The following MIS18BP1 variants were observed in gnomAD, a reference collection of about 807,000 sequenced individuals.
MIS18BP1 encodes MIS18 binding protein 1.
MIS18BP1 carries 72 observed loss-of-function variants against 116.1 expected under a neutral mutation model. The observed-to-expected ratio is 0.62, with a 90% CI of 0.51 to 0.75. The LOEUF (loss-of-function observed/expected upper bound fraction) is 0.75. Ranked by LOEUF, MIS18BP1 falls within the 30% of genes least tolerant of loss-of-function variation. The pLI, the probability that MIS18BP1 is intolerant of heterozygous loss-of-function variation, is 0.00. For synonymous variants in MIS18BP1, 386 were observed against 427.0 expected, an observed-to-expected ratio of 0.90 and a Z score of 1.18; for missense variants, 1,363 against 1,303.2, an observed-to-expected ratio of 1.05 and a Z score of -0.71.
At chr14:45,235,783 A>T in intron 6 of MIS18BP1, 31 bp downstream of exon 6, 1 of 1,561,150 alleles carries the variant, frequency 6.4e-7, no homozygotes, top group Non-Finnish European at 8.7e-7. Flanking sequence ...TTACTTCTTA[A>T]AATAACTTAT....
rs112214990 is a variant in MIS18BP1, at chr14:45,223,268, C to CCAAA, written c.2669+646_2669+649dup. ...ATCCTTGAGTCTCACTTGTGGGGCACCAAACTTTACTATTTATAACACTTG... is the reference window on the plus strand; with the variant it reads ...ATCCTTGAGTCTCACTTGTGGGGCACCAAACAAACTTTACTATTTATAACACTTG... On this transcript the variant is annotated intron_variant, in intron 11 of 16. Transcript: ENST00000310806. Among the ~76,000 whole-genome samples the CCAAA allele has an allele frequency of 7.0e-3, 1,071 of 152,196 alleles. 22 individuals are homozygous for CCAAA. The highest frequency in any genetic ancestry group is 0.025 in the African/African-American group (1,018 of 41,518).
At chr14:45,235,684 A>G (rs1891408943) in intron 6 of MIS18BP1, 130 bp downstream of exon 6, 7 of 663,036 alleles carry the variant, frequency 1.1e-5, no homozygotes, top group Non-Finnish European at 1.6e-5. Context: ...TTTATATAAT[A>G]TCAGTTGTTT....
chr14:45,246,925 T>C lies in MIS18BP1; in HGVS notation c.362A>G (p.Lys121Arg). ...PGKIFLRMKE[K>R]VLRDKQEQPS... ...CTGTTCTTGCTTGTCACGCAGTACTTTTTCTTTCATTCTTAGAAATATTTT... is the reference window on the plus strand; with the variant it reads ...CTGTTCTTGCTTGTCACGCAGTACTCTTTCTTTCATTCTTAGAAATATTTT... Residue 121 changes from lysine to arginine, a missense_variant, in exon 2 of 17, where the codon AAA (lysine) becomes AGA (arginine). Physicochemically the swap from Lys to Arg is conservative, Grantham distance 26 (BLOSUM62 2). Transcript: ENST00000310806. 2 of 1,604,728 alleles carry C rather than the reference T, an allele frequency of 1.2e-6. No individual in the cohort carries two copies. Among genetic ancestry groups the C allele is most frequent in the Non-Finnish European group, 1.7e-6 (2 of 1,177,878 alleles).
chr14:45,217,308 GC>G, intron 12 of MIS18BP1, 129 bp from the exon 13 acceptor site: 1 of 1,077,456 alleles, frequency 9.3e-7, no homozygotes, highest in Non-Finnish European at 1.3e-6. Context: ...CTCAGCCTTG[GC>G]CAGGCTCAGT....
At chr14:45,238,969 TA>T (rs1891500492) in intron 4 of MIS18BP1, among the ~76,000 whole-genome samples, 1 of 152,074 alleles carries the variant, frequency 6.6e-6, no homozygotes, top group African/African-American at 2.4e-5. Flanking sequence ...CTGAAAAAAG[TA>T]AAAAATTATA....
At chr14:45,252,189 C>A (rs1891893724) in intron 1 of MIS18BP1, among the ~76,000 whole-genome samples, 1 of 152,202 alleles carries the variant, frequency 6.6e-6, no homozygotes, top group Admixed American at 6.5e-5. Flanking sequence ...ACAGTCTACA[C>A]ACCCACTACA....
intron 2 of MIS18BP1, among the ~76,000 whole-genome samples, chr14:45,245,490 G>A (rs949854943): frequency 6.6e-6 from 1 of 151,744 alleles, no homozygotes. Context: ...TTAGCCTCCC[G>A]AGTAGCTGGG....
At chr14:45,204,368 G>A in intron 16 of MIS18BP1, 31 bp downstream of exon 16, 2 of 1,588,560 alleles carry the variant, frequency 1.3e-6, no homozygotes, top group Non-Finnish European at 1.7e-6. Flanking sequence ...TAATAGAACT[G>A]AGCCACAAAA....
At chr14:45,218,138 G>C (rs1890872954) in intron 12 of MIS18BP1, 144 bp downstream of exon 12, 2 of 916,238 alleles carry the variant, frequency 2.2e-6, no homozygotes, top group African/African-American at 3.4e-5. Context: ...AAATTAAACA[G>C]ATGATTTCTG....
chr14:45,219,178 A>G (rs763863403), intron 11 of MIS18BP1, among the ~76,000 whole-genome samples: 1 of 152,200 alleles, frequency 6.6e-6, no homozygotes, highest in Non-Finnish European at 1.5e-5. Flanking sequence ...AAGTGATATT[A>G]ACAATGTCAT....
chr14:45,228,778 G>T (rs963736620), intron 8 of MIS18BP1, among the ~76,000 whole-genome samples: 1 of 152,040 alleles, frequency 6.6e-6, no homozygotes, highest in Non-Finnish European at 1.5e-5. Flanking sequence ...ATATACTCTG[G>T]TAAGTGTAAT....
At position 45,210,498 on chromosome 14, in the gene MIS18BP1, C is replaced by A. The variant is rs575503104; in HGVS notation, c.3034G>T (p.Asp1012Tyr). ...LPSFQDSEDDDDILPNMDKNP... is the reference protein window; with the variant it reads ...LPSFQDSEDDYDILPNMDKNP... ...TTGTCCATATTTGGCAGAATATCATCATCATCTTCACTGTCCTGGAAACTT... is the reference window on the plus strand; with the variant it reads ...TTGTCCATATTTGGCAGAATATCATAATCATCTTCACTGTCCTGGAAACTT... Residue 1012 changes from aspartate (D) to tyrosine (Y), a missense_variant, in exon 14 of 17, where the codon GAT (aspartate) becomes TAT (tyrosine). Asp to Tyr is a radical substitution (Grantham distance 160, BLOSUM62 -3). Coordinates refer to ENST00000310806, the MANE Select transcript of MIS18BP1 (RefSeq NM_018353.5). 41 of 1,613,966 alleles carry A rather than the reference C, an allele frequency of 2.5e-5. No individual in the cohort carries two copies. In the East Asian group the frequency reaches 8.9e-4, roughly 35 times the overall value.
At chr14:45,234,361 AAGG>A (rs773457996) in intron 6 of MIS18BP1, among the ~76,000 whole-genome samples, 105 of 152,318 alleles carry the variant, frequency 6.9e-4, no homozygotes, top group Non-Finnish European at 1.3e-3. Flanking sequence ...TAAAAAAAAA[AAGG>A]AGAAGGGAGT....
intron 7 of MIS18BP1, among the ~76,000 whole-genome samples, chr14:45,232,035 T>C (rs1891292706): frequency 6.6e-6 from 1 of 152,216 alleles, no homozygotes; most frequent in Non-Finnish European, 1.5e-5. Context: ...AAAAGTTTTA[T>C]TTTCCTTTGA....
At chr14:45,226,082 A>T (rs1891115842) in intron 10 of MIS18BP1, among the ~76,000 whole-genome samples, 2 of 152,174 alleles carry the variant, frequency 1.3e-5, no homozygotes, top group African/African-American at 2.4e-5. Flanking sequence ...GAATTTGAAA[A>T]TTTTCAACAT....
At chr14:45,226,674 T>C in intron 10 of MIS18BP1, 69 bp downstream of exon 10, 1 of 1,181,798 alleles carries the variant, frequency 8.5e-7, no homozygotes, top group Non-Finnish European at 1.1e-6. Context: ...AGATCACTTT[T>C]ATCATATTAA....
Position 45,224,746 on chromosome 14 carries a change from T to C in MIS18BP1, c.1841A>G (p.Glu614Gly). The change falls in exon 11 of 17, where the codon GAG becomes GGG. Residue 614 changes from glutamate (E) to glycine (G), a missense_variant and splice_region_variant. Coordinates refer to ENST00000310806, the MANE Select transcript of MIS18BP1 (RefSeq NM_018353.5). ...GGATACATCCAATTCTTCAGTTGTC[T>C]CTTTAATTTCATAAGACAAAACCAA... ...NERIIKSQKQ[E>G]TTEELDVSID... 7 of 1,550,978 alleles carry C rather than the reference T, an allele frequency of 4.5e-6. No individual in the cohort carries two copies. Among genetic ancestry groups the C allele is most frequent in the South Asian group, 1.2e-5 (1 of 80,388 alleles).
chr14:45,223,053 TAAGAG>T (rs757516122), intron 11 of MIS18BP1, among the ~76,000 whole-genome samples: 1 of 152,008 alleles, frequency 6.6e-6, no homozygotes, highest in South Asian at 2.1e-4. Flanking sequence ...GGGACTGAGT[TAAGAG>T]AAAAGACAAA....
chr14:45,216,850 C>G (rs1263892845), intron 13 of MIS18BP1, among the ~76,000 whole-genome samples, 169 bp downstream of exon 13: 1 of 152,180 alleles, frequency 6.6e-6, no homozygotes, highest in African/African-American at 2.4e-5. Context: ...ACTCTAGAAA[C>G]TAGTAAGAAT....
Sources: gnomAD v4.1 joint callset for allele counts (sites outside exome capture counted in the v4.1 genomes callset) on GRCh38, gnomAD v4.1.1 for gene constraint, MANE v1.5 for transcripts, NCBI Gene and HGNC (gene_info 2026-07-23, HGNC 2026-07-21) for gene names.